Variants in DISP1 observed in about 807,000 individuals in gnomAD.
DISP1 encodes the protein dispatched RND transporter family member 1.
A neutral mutation model predicts 37.3 loss-of-function variants in DISP1; 30 were observed. The ratio of observed to expected loss-of-function variants is 0.80; its 90% CI spans 0.60 to 1.09. The LOEUF (loss-of-function observed/expected upper bound fraction) is 1.09. Ranked by LOEUF, DISP1 falls within the 50% of genes least tolerant of loss-of-function variation. The pLI is 0.00. For synonymous variants in DISP1, 634 were observed against 690.2 expected (o/e 0.92, Z 1.28); for missense variants, 1,598 against 1,879.5 (o/e 0.85, Z 2.77).
chr1:222,846,802 G>C (rs1173312495), intron 1 of DISP1, among the ~76,000 whole-genome samples: 1 of 152,242 alleles, frequency 6.6e-6, no homozygotes, highest in Non-Finnish European at 1.5e-5. Flanking sequence ...AGGACATTCT[G>C]TCCTTGTCCA....
intron 1 of DISP1, chr1:222,837,016 C>T: frequency 2.5e-6 from 1 of 398,404 alleles, no homozygotes; most frequent in Non-Finnish European, 4.4e-6. Context: ...TCTAGTCCTG[C>T]CTGAAGTTTA....
At chr1:222,927,276 C>T (rs962482855) in intron 1 of DISP1, among the ~76,000 whole-genome samples, 2 of 151,950 alleles carry the variant, frequency 1.3e-5, no homozygotes, top group Admixed American at 1.3e-4. Context: ...TAAGTGGTTT[C>T]GATTTGTATT....
At chr1:222,937,006 G>T (rs568228333) in intron 2 of DISP1, among the ~76,000 whole-genome samples, 13,884 of 93,226 alleles carry the variant, frequency 0.15, 1,182 homozygotes, top group Non-Finnish European at 0.21. Flanking sequence ...ATATAATATA[G>T]AATATTATAT....
chr1:222,888,409 A>G (rs183760641), intron 1 of DISP1, among the ~76,000 whole-genome samples: 119 of 152,338 alleles, frequency 7.8e-4, no homozygotes, highest in Non-Finnish European at 1.4e-3. Context: ...AAGCTGAAGA[A>G]GCCAATCTTA....
At chr1:222,820,295 T>A (rs1398071210) in intron 1 of DISP1, among the ~76,000 whole-genome samples, 1 of 152,190 alleles carries the variant, frequency 6.6e-6, no homozygotes, top group African/African-American at 2.4e-5. Flanking sequence ...AATATCTAAC[T>A]ACGTAACTAC....
In DISP1 at chr1:222,970,948, A is replaced by AT. The variant is rs1209156613; in HGVS notation, c.510-12131dup. Among the ~76,000 whole-genome samples, 11 of 152,232 alleles carry AT rather than the reference A, an allele frequency of 7.2e-5. No individual in the cohort carries two copies. In the South Asian group the frequency reaches 1.0e-3, roughly 14 times the overall value. ...AGGGACATTATTACAGTTTGAGGTC[A>AT]TGCAGCCCCAGCATCTTGTGGCTTT... On this transcript the variant is annotated intron_variant, in intron 3 of 8. Coordinates refer to ENST00000675850, the MANE Select transcript of DISP1 (RefSeq NM_001377229.1).
At chr1:222,895,885 C>G (rs1436543956) in intron 1 of DISP1, among the ~76,000 whole-genome samples, 1 of 152,144 alleles carries the variant, frequency 6.6e-6, no homozygotes, top group Non-Finnish European at 1.5e-5. Flanking sequence ...TCTTTGTGAC[C>G]TTAGGAAAGG....
chr1:222,873,524 T>A (rs574223574), intron 1 of DISP1, among the ~76,000 whole-genome samples: 15 of 152,266 alleles, frequency 9.9e-5, no homozygotes, highest in African/African-American at 3.1e-4. Context: ...TTTACCATTA[T>A]GTAATGGCCT....
rs1303599431 is a variant in DISP1, at chr1:222,932,703, T to C, written c.-18+4133T>C. Reference sequence around the variant, plus strand: ...GAGAAGCCTTCCCTACCTCTTTCTTTCCAGCATTGATGCTTATGGGCACAG... The same window carrying C: ...GAGAAGCCTTCCCTACCTCTTTCTTCCCAGCATTGATGCTTATGGGCACAG... On this transcript the variant is annotated intron_variant, in intron 2 of 8. Coordinates refer to ENST00000675850, the MANE Select transcript of DISP1 (RefSeq NM_001377229.1). Among the ~76,000 whole-genome samples the C allele has an allele frequency of 2.0e-5, 3 of 152,136 alleles. No homozygotes were observed. In the East Asian group the frequency reaches 5.8e-4, roughly 29 times the overall value.
intron 2 of DISP1, among the ~76,000 whole-genome samples, chr1:222,933,961 T>A (rs1267752328): frequency 6.6e-6 from 1 of 152,084 alleles, no homozygotes; most frequent in East Asian, 1.9e-4. Context: ...ATTGTCTTGC[T>A]TTTTTAAGTT....
chr1:222,821,042 A>G (rs994945137), intron 1 of DISP1, among the ~76,000 whole-genome samples: 1 of 152,152 alleles, frequency 6.6e-6, no homozygotes, highest in African/African-American at 2.4e-5. Flanking sequence ...CTTCAAGTTT[A>G]TCATTTCTAA....
chr1:222,842,838 A>T (rs192356806), intron 1 of DISP1, among the ~76,000 whole-genome samples: 15 of 152,020 alleles, frequency 9.9e-5, no homozygotes, highest in African/African-American at 3.6e-4. Flanking sequence ...TGTCTGATGC[A>T]CTTTATGCTC....
intron 3 of DISP1, among the ~76,000 whole-genome samples, chr1:222,946,383 C>CAAAAAA (rs71178514): frequency 1.2e-5 from 1 of 85,448 alleles, no homozygotes; most frequent in Non-Finnish European, 2.3e-5. Flanking sequence ...GACTCCATCT[C>CAAAAAA]AAAAAAAAAA....
intron 1 of DISP1, among the ~76,000 whole-genome samples, chr1:222,863,920 A>C (rs1669024866): frequency 1.3e-5 from 2 of 152,082 alleles, no homozygotes; most frequent in African/African-American, 4.8e-5. Flanking sequence ...TCCTTGTCCA[A>C]GCCCTGGGGT....
chr1:222,889,607 C>T (rs1670832382), intron 1 of DISP1, among the ~76,000 whole-genome samples: 1 of 149,918 alleles, frequency 6.7e-6, no homozygotes, highest in South Asian at 2.1e-4. Flanking sequence ...ACTACATGAA[C>T]TATATATGCC....
intron 1 of DISP1, among the ~76,000 whole-genome samples, chr1:222,851,568 T>C (rs189293425): frequency 8.3e-4 from 127 of 152,288 alleles, no homozygotes; most frequent in African/African-American, 3.0e-3. Context: ...TCAGCACATA[T>C]AGTGGATTTG....
At chr1:222,843,937 C>G (rs1037209564) in intron 1 of DISP1, among the ~76,000 whole-genome samples, 1 of 152,094 alleles carries the variant, frequency 6.6e-6, no homozygotes, top group African/African-American at 2.4e-5. Flanking sequence ...TATTATACCC[C>G]TGTTGAAGTG....
intron 2 of DISP1, among the ~76,000 whole-genome samples, chr1:222,930,746 A>G (rs1673339125): frequency 6.6e-6 from 1 of 152,106 alleles, no homozygotes; most frequent in Non-Finnish European, 1.5e-5. Flanking sequence ...ATTTATAGTA[A>G]TAATTTAAGG....
Position 223,004,820 on chromosome 1 carries a change from T to C in DISP1, c.3423T>C (p.Gly1141=), listed in dbSNP as rs781386531. The change falls in exon 9 of 9, where the codon GGT becomes GGC. Residue 1141 remains glycine (G), a synonymous_variant. Transcript: ENST00000675850. This position sits in a 1 kb window ranked among gnomAD's most constrained non-coding sequence, Gnocchi z 4.9. Reference sequence around the variant, plus strand: ...GCCTTGGACCACAGGGTACCTGTGGTCAGATTCCTTTACCTAAAAAACTAC... The same window carrying C: ...GCCTTGGACCACAGGGTACCTGTGGCCAGATTCCTTTACCTAAAAAACTAC... The part of the protein sequence containing the change: ...CRCLGPQGTC[G]QIPLPKKLQC... 5.0e-6 allele frequency: 8 copies of C among 1,611,360 alleles called. No individual in the cohort carries two copies. The South Asian group carries it at 7.7e-5, about 15-fold the overall frequency.
Sources: allele counts gnomAD v4.1 joint callset (sites outside exome capture counted in the v4.1 genomes callset), GRCh38; gene constraint gnomAD v4.1.1; non-coding constraint Gnocchi (gnomAD v3.1); transcripts MANE v1.5; gene names NCBI Gene and HGNC (gene_info 2026-07-23, HGNC 2026-07-21).